The following SGCZ variants were observed in gnomAD, a reference collection of about 807,000 sequenced individuals.
SGCZ encodes sarcoglycan zeta, also known as zeta-sarcoglycan.
SGCZ carries 40 observed loss-of-function variants against 41.3 expected under a neutral mutation model. The ratio of observed to expected loss-of-function variants is 0.97; its 90% CI spans 0.75 to 1.26. The LOEUF (loss-of-function observed/expected upper bound fraction) is 1.26. SGCZ is among the 50% of genes most tolerant of loss of function. The pLI is 0.00. For missense variants in SGCZ, 552 were observed against 369.8 expected (o/e 1.49, Z -4.04); for synonymous variants, 206 against 137.5 (o/e 1.50, Z -3.49).
At chr8:14,169,632 C>A (rs1804314309) in intron 4 of SGCZ, among the ~76,000 whole-genome samples, 2 of 152,246 alleles carry the variant, frequency 1.3e-5, no homozygotes, top group South Asian at 4.1e-4. Flanking sequence ...AGCCAGTCCA[C>A]AGGGGTATGT....
rs575282899 is a variant in SGCZ at position 14,601,957 on chromosome 8, G to A, written c.40-47031C>T. 5.3e-5 allele frequency among the ~76,000 whole-genome samples: 8 copies of A among 151,834 alleles called. No individual in the cohort carries two copies. The East Asian group carries it at 7.8e-4, about 15-fold the overall frequency. The stretch of plus-strand genomic sequence containing the variant: ...AACACGGTGAAACCCCGTCTCTACT[G>A]AAAACACAAAAAATTAGCCGGGCCT... On this transcript the variant is annotated intron_variant, in intron 1 of 7. Coordinates refer to ENST00000382080, the MANE Select transcript of SGCZ (RefSeq NM_139167.4).
chr8:14,833,886 T>C (rs1165273162), intron 1 of SGCZ, among the ~76,000 whole-genome samples: 1 of 152,152 alleles, frequency 6.6e-6, no homozygotes, highest in Non-Finnish European at 1.5e-5. Flanking sequence ...AGAATATTTA[T>C]GAAAAATTAA....
At chr8:14,515,138 T>A (rs892249901) in intron 2 of SGCZ, among the ~76,000 whole-genome samples, 1 of 151,972 alleles carries the variant, frequency 6.6e-6, no homozygotes, top group African/African-American at 2.4e-5. Context: ...GACACCTGAT[T>A]CTGCTCCCTG....
intron 5 of SGCZ, among the ~76,000 whole-genome samples, chr8:14,119,196 A>G (rs1365666964): frequency 6.6e-6 from 1 of 151,890 alleles, no homozygotes; most frequent in South Asian, 2.1e-4. Context: ...ATCCATGAGC[A>G]TGGTATGTTT....
chr8:14,673,984 G>C (rs1245683548), intron 1 of SGCZ, among the ~76,000 whole-genome samples: 1 of 152,118 alleles, frequency 6.6e-6, no homozygotes, highest in South Asian at 2.1e-4. Flanking sequence ...TATTGAATGT[G>C]TCACACACTT....
At chr8:14,479,696 T>C (rs1801467879) in intron 2 of SGCZ, among the ~76,000 whole-genome samples, 2 of 148,278 alleles carry the variant, frequency 1.3e-5, no homozygotes, top group Non-Finnish European at 3.0e-5. Context: ...ACAACTTTCT[T>C]TACCCCCAGG....
At position 14,881,386 on chromosome 8, in the gene SGCZ, G is replaced by GTGGTTGAA. The variant is rs1260918511; in HGVS notation, c.40-326468_40-326461dup. ...ATTTCGACCCCCATACACCATGTCG[G>GTGGTTGAA]TGGTTGAATTCTCCAGAAAGCAGAT... On this transcript the variant is annotated intron_variant, in intron 1 of 7. Transcript: ENST00000382080. 2.9e-4 allele frequency among the ~76,000 whole-genome samples: 44 copies of GTGGTTGAA among 152,180 alleles called. No homozygotes were observed. The East Asian group carries it at 8.1e-3, about 28-fold the overall frequency.
intron 2 of SGCZ, among the ~76,000 whole-genome samples, chr8:14,521,080 G>A (rs1057125064): frequency 5.3e-5 from 8 of 152,150 alleles, no homozygotes; most frequent in African/African-American, 1.9e-4. Flanking sequence ...TCCCCCAATT[G>A]TAACATCTTG....
At chr8:14,343,376 C>T (rs1428116806) in intron 2 of SGCZ, among the ~76,000 whole-genome samples, 2 of 152,178 alleles carry the variant, frequency 1.3e-5, no homozygotes, top group Non-Finnish European at 2.9e-5. Context: ...GCCACAGACA[C>T]TCAACACCAG....
intron 2 of SGCZ, among the ~76,000 whole-genome samples, chr8:14,365,396 A>G (rs1803664744): frequency 6.6e-6 from 1 of 151,994 alleles, no homozygotes; most frequent in African/African-American, 2.4e-5. Context: ...GTCCCTCTAA[A>G]CTCAGTCAAC....
intron 2 of SGCZ, among the ~76,000 whole-genome samples, chr8:14,471,522 T>C (rs1801212607): frequency 6.6e-6 from 1 of 152,088 alleles, no homozygotes; most frequent in South Asian, 2.1e-4. Context: ...GGGTTGAGTT[T>C]CTCAGTGGAG....
chr8:15,229,776 T>C (rs1405230582), intron 1 of SGCZ, among the ~76,000 whole-genome samples: 1 of 152,240 alleles, frequency 6.6e-6, no homozygotes, highest in African/African-American at 2.4e-5. Flanking sequence ...TGTATCATGT[T>C]TCACAAAAAT....
chr8:14,851,124 C>T (rs987053044), intron 1 of SGCZ, among the ~76,000 whole-genome samples: 14 of 152,074 alleles, frequency 9.2e-5, no homozygotes, highest in African/African-American at 3.4e-4. Context: ...AATCCCAGCA[C>T]TTTGGGAGGC....
At chr8:14,134,778 G>A (rs1311368334) in intron 5 of SGCZ, among the ~76,000 whole-genome samples, 1 of 151,938 alleles carries the variant, frequency 6.6e-6, no homozygotes, top group Non-Finnish European at 1.5e-5. Flanking sequence ...TTTAAATCAG[G>A]GTTTGGCAAA....
Position 14,766,361 on chromosome 8 carries a change from T to C in SGCZ, c.40-211435A>G, listed in dbSNP as rs112604547. On this transcript the variant is annotated intron_variant, in intron 1 of 7. Coordinates refer to ENST00000382080, the MANE Select transcript of SGCZ (RefSeq NM_139167.4). ...TATAGTTTAGCCAGATTGTATATAA[T>C]TCTGGAGAAATGTAACTCAAAAGAA... 6.9e-3 allele frequency among the ~76,000 whole-genome samples: 1,057 copies of C among 152,202 alleles called. 15 individuals carry two copies. Among genetic ancestry groups the C allele is most frequent in the African/African-American group, 0.024 (994 of 41,538 alleles).
intron 1 of SGCZ, among the ~76,000 whole-genome samples, chr8:14,749,424 G>A (rs2247801): frequency 0.27 from 41,631 of 152,052 alleles, 6,370 homozygotes; most frequent in Non-Finnish European, 0.35. Context: ...GTGGGGATGC[G>A]TGTACATGCT....
chr8:14,349,047 G>C (rs889303289), intron 2 of SGCZ, among the ~76,000 whole-genome samples: 1 of 152,038 alleles, frequency 6.6e-6, no homozygotes, highest in African/African-American at 2.4e-5. Context: ...TTAATACTAA[G>C]AGGAATGCAT....
At chr8:14,557,817 A>G (rs967508934) in intron 1 of SGCZ, among the ~76,000 whole-genome samples, 11 of 152,156 alleles carry the variant, frequency 7.2e-5, no homozygotes, top group Non-Finnish European at 1.5e-4. Context: ...CCAAGATCAG[A>G]GCAGAAGTAA....
chr8:14,412,734 C>T (rs1336532646), intron 2 of SGCZ, among the ~76,000 whole-genome samples: 5 of 151,912 alleles, frequency 3.3e-5, no homozygotes, highest in African/African-American at 1.2e-4. Flanking sequence ...GCACAATATG[C>T]ATATTAAAAA....
Sources: gnomAD v4.1 joint callset for allele counts (sites outside exome capture counted in the v4.1 genomes callset) on GRCh38, gnomAD v4.1.1 for gene constraint, MANE v1.5 for transcripts, NCBI Gene and HGNC (gene_info 2026-07-23, HGNC 2026-07-21) for gene names.